The following ZNF423 variants were observed in gnomAD, a reference collection of about 807,000 sequenced individuals.
ZNF423 encodes zinc finger protein 423.
ZNF423 carries 12 observed loss-of-function variants against 95.8 expected under a neutral mutation model. That is an observed-to-expected ratio of 0.13 (90% CI 0.08 to 0.20). The LOEUF is 0.20. ZNF423 is among the 10% of genes least tolerant of loss of function. ZNF423 has a pLI of 1.00. For synonymous variants in ZNF423, 749 were observed against 711.9 expected, an observed-to-expected ratio of 1.05 and a Z score of -0.83; for missense variants, 1,316 against 1,737.1, an observed-to-expected ratio of 0.76 and a Z score of 4.31.
chr16:49,572,141 A>C (rs1015029020), intron 5 of ZNF423, among the ~76,000 whole-genome samples: 5 of 152,180 alleles, frequency 3.3e-5, no homozygotes, highest in African/African-American at 1.2e-4. Flanking sequence ...ACTATGTGTC[A>C]GGCACTGGAC....
chr16:49,739,103 C>T (rs1437642646), intron 2 of ZNF423, among the ~76,000 whole-genome samples: 2 of 152,190 alleles, frequency 1.3e-5, no homozygotes, highest in Non-Finnish European at 2.9e-5. Flanking sequence ...CAAATCCACA[C>T]TCCACCATTT....
chr16:49,821,805 G>A (rs1050464299), intron 1 of ZNF423, among the ~76,000 whole-genome samples: 17 of 152,112 alleles, frequency 1.1e-4, no homozygotes, highest in Admixed American at 7.9e-4. Context: ...GAGGCCACAC[G>A]GGGCTCCCCA....
At position 49,661,125 on chromosome 16, in the gene ZNF423, G is replaced by A. The variant is rs560841350; in HGVS notation, c.302-22251C>T. Among the ~76,000 whole-genome samples, 13 of 151,326 alleles carry A rather than the reference G, an allele frequency of 8.6e-5. No homozygotes were observed. The South Asian group carries it at 2.7e-3, about 31-fold the overall frequency. On this transcript the variant is annotated intron_variant, in intron 3 of 7. Transcript: ENST00000563137. ...AATCCCAGCTACTCAGGAGGCTGAA[G>A]CAGAATTACTTGAACCTGGGACGCA...
At chr16:49,731,006 A>T in intron 2 of ZNF423, 35 bp from the exon 3 acceptor site, 1 of 1,607,718 alleles carries the variant, frequency 6.2e-7, no homozygotes, top group Non-Finnish European at 8.5e-7. Flanking sequence ...ATGTCAGCTG[A>T]TGGGGTCTTG....
At chr16:49,599,311 C>T (rs978536072) in intron 5 of ZNF423, among the ~76,000 whole-genome samples, 11 of 152,208 alleles carry the variant, frequency 7.2e-5, no homozygotes, top group African/African-American at 2.7e-4. Context: ...CACACTCACC[C>T]CACTGCAATC....
At chr16:49,677,307 A>AAGGGAAGGGAAGGGAAGG (rs2031131183) in intron 3 of ZNF423, among the ~76,000 whole-genome samples, 1 of 69,812 alleles carries the variant, frequency 1.4e-5, no homozygotes, top group Non-Finnish European at 3.0e-5. Flanking sequence ...AGAAGAGAAG[A>AAGGGAAGGGAAGGGAAGG]GAAAGGAGGG....
intron 1 of ZNF423, among the ~76,000 whole-genome samples, chr16:49,831,970 C>T (rs1014453782): frequency 3.4e-5 from 5 of 146,762 alleles, no homozygotes; most frequent in Middle Eastern, 3.5e-3. Flanking sequence ...GGTGACAGAA[C>T]AAGACTATCT....
chr16:49,510,893 C>G (rs907781253), intron 7 of ZNF423, among the ~76,000 whole-genome samples: 1 of 152,242 alleles, frequency 6.6e-6, no homozygotes, highest in African/African-American at 2.4e-5. Context: ...TGGCAGCTCC[C>G]CCGTGCCCAT....
chr16:49,642,115 T>G (rs1232357052), intron 3 of ZNF423, among the ~76,000 whole-genome samples: 1 of 152,248 alleles, frequency 6.6e-6, no homozygotes, highest in Non-Finnish European at 1.5e-5. Context: ...TTATTGAGAA[T>G]GTCCCACGTG....
chr16:49,593,369 A>G (rs1245101308), intron 5 of ZNF423, among the ~76,000 whole-genome samples: 1 of 152,072 alleles, frequency 6.6e-6, no homozygotes, highest in African/African-American at 2.4e-5. Context: ...TGGGAGGTCA[A>G]GGCTGCAGTG....
At chr16:49,842,380 G>A (rs2035197543) in intron 1 of ZNF423, among the ~76,000 whole-genome samples, 1 of 99,526 alleles carries the variant, frequency 1.0e-5, no homozygotes, top group African/African-American at 4.2e-5. Flanking sequence ...AAGGAAGGAA[G>A]GAAGGAAGGA....
At chr16:49,712,473 C>T (rs2032574785) in intron 3 of ZNF423, among the ~76,000 whole-genome samples, 1 of 152,256 alleles carries the variant, frequency 6.6e-6, no homozygotes, top group Non-Finnish European at 1.5e-5. Context: ...TAGAGGGCTA[C>T]TCAGGGGCTG....
chr16:49,673,886 T>G (rs2030928786), intron 3 of ZNF423, among the ~76,000 whole-genome samples: 1 of 152,064 alleles, frequency 6.6e-6, no homozygotes. Flanking sequence ...GGTAAGACAG[T>G]CCATGGTGGG....
intron 7 of ZNF423, among the ~76,000 whole-genome samples, chr16:49,521,814 G>T (rs2151702544): frequency 6.6e-6 from 1 of 152,300 alleles, no homozygotes; most frequent in Non-Finnish European, 1.5e-5. Context: ...CCTGGCATGG[G>T]GCCAGCCTAT....
upstream of ZNF423, among the ~76,000 whole-genome samples, chr16:49,858,468 C>T (rs2035395669): frequency 6.6e-6 from 1 of 151,864 alleles, no homozygotes; most frequent in Non-Finnish European, 1.5e-5. This position sits in a 1 kb window ranked among gnomAD's most constrained non-coding sequence, Gnocchi z 4.3. Flanking sequence ...CGCGCGCGCC[C>T]TAGGCAGTCT....
intron 3 of ZNF423, among the ~76,000 whole-genome samples, chr16:49,729,639 CTATTATTATTATTATTATTAT>C (rs34889282): frequency 2.6e-4 from 36 of 138,942 alleles, no homozygotes; most frequent in African/African-American, 3.4e-4. Context: ...CCTCTTAGGT[CTATTATTATTATTATTATTAT>C]TATTATTATT....
chr16:49,790,539 G>A (rs556362624), intron 1 of ZNF423, among the ~76,000 whole-genome samples: 118 of 152,352 alleles, frequency 7.7e-4, no homozygotes, highest in African/African-American at 2.5e-3. Flanking sequence ...ACTGTTGACC[G>A]GGGTACAAAG....
intron 7 of ZNF423, chr16:49,518,081 C>T: frequency 8.9e-6 from 4 of 448,326 alleles, no homozygotes; most frequent in Middle Eastern, 6.9e-4. Context: ...CAGGATCACA[C>T]TGACAATGGA....
intron 2 of ZNF423, among the ~76,000 whole-genome samples, chr16:49,746,838 G>A (rs2033534906): frequency 6.6e-6 from 1 of 151,986 alleles, no homozygotes; most frequent in African/African-American, 2.4e-5. Flanking sequence ...CTAACAGCTG[G>A]AGCCCATCTA....
Sources: allele counts gnomAD v4.1 joint callset (sites outside exome capture counted in the v4.1 genomes callset), GRCh38; gene constraint gnomAD v4.1.1; non-coding constraint Gnocchi (gnomAD v3.1); transcripts MANE v1.5; gene names NCBI Gene and HGNC (gene_info 2026-07-23, HGNC 2026-07-21).